NFATC3: variants seen among roughly 807,000 people sequenced by gnomAD.
The protein encoded by NFATC3 is nuclear factor of activated T-cells, cytoplasmic 3.
NFATC3 carries 46 observed loss-of-function variants against 98.6 expected under a neutral mutation model. The observed-to-expected ratio is 0.47, with a 90% CI of 0.37 to 0.60. NFATC3 has a LOEUF of 0.60. Among genes scored for constraint, NFATC3 ranks in the 20% least tolerant of loss-of-function variants. The pLI is 0.00. For missense variants in NFATC3, 1,256 were observed against 1,295.5 expected (o/e 0.97, Z 0.47); for synonymous variants, 512 against 472.2 (o/e 1.08, Z -1.09).
chr16:68,203,805 C>T (rs1360824405), intron 9 of NFATC3, among the ~76,000 whole-genome samples: 2 of 152,128 alleles, frequency 1.3e-5, no homozygotes, highest in African/African-American at 4.8e-5. Context: ...AATCCCAGCA[C>T]TTTGAAAGAC....
intron 3 of NFATC3, among the ~76,000 whole-genome samples, chr16:68,154,571 A>G (rs754914237): frequency 6.6e-6 from 1 of 152,174 alleles, no homozygotes; most frequent in African/African-American, 2.4e-5. Flanking sequence ...GTAGACAAGC[A>G]CAAGATAAGG....
chr16:68,150,250 G>A (rs979432702), intron 3 of NFATC3, among the ~76,000 whole-genome samples: 3 of 151,840 alleles, frequency 2.0e-5, no homozygotes, highest in Non-Finnish European at 4.4e-5. Context: ...ATTTTGTAAT[G>A]CTACTTTATT....
In NFATC3 at chr16:68,158,570, G is replaced by A. The variant is rs369550894; in HGVS notation, c.1601+502G>A. Among the ~76,000 whole-genome samples the A allele has an allele frequency of 2.2e-4, 33 of 152,120 alleles. No individual in the cohort carries two copies. The East Asian group carries it at 3.1e-3, about 14-fold the overall frequency. Reference sequence around the variant, plus strand: ...GATATGCAGTGGCTTGAACAGTTAGGGGTTTAGTGTTTTATCACATAAACG... The same window carrying A: ...GATATGCAGTGGCTTGAACAGTTAGAGGTTTAGTGTTTTATCACATAAACG... On this transcript the variant is annotated intron_variant, in intron 4 of 9. Transcript: ENST00000346183.
Position 68,085,767 on chromosome 16 carries a change from C to G in NFATC3, c.86C>G (p.Pro29Arg), listed in dbSNP as rs1012871036. ...GACGGGGCGCCGGCGCCGCCGCCCC[C>G]GGGCTCGCGGCCTGCAGGTGGGTGC... ...GEDGAPAPPP[P>R]GSRPADLEPD... The change falls in exon 1 of 10, where the codon CCG (proline) becomes CGG (arginine). Residue 29 changes from proline (P) to arginine (R), a missense_variant. Physicochemically the swap from Pro to Arg is moderately radical, Grantham distance 103. Transcript: ENST00000346183. 17 of 1,495,250 alleles carry G rather than the reference C, an allele frequency of 1.1e-5. No individual in the cohort carries two copies. Among genetic ancestry groups the G allele is most frequent in the Admixed American group, 6.9e-5 (3 of 43,222 alleles). 92.6% of individuals were successfully genotyped at this position (1,495,250 alleles called of 1,614,324 possible). A position where few individuals can be genotyped will look rare whatever the true frequency, so the allele number is the denominator to read the frequency against.
At chr16:68,192,334 G>C (rs12933243) in intron 9 of NFATC3, 1 of 126,662 alleles carries the variant, frequency 7.9e-6, no homozygotes, top group African/African-American at 3.0e-5. Flanking sequence ...TATATATATA[G>C]AGAGAGAGAG....
At chr16:68,104,653 GTTTTTT>G (rs778016298) in intron 1 of NFATC3, among the ~76,000 whole-genome samples, 2 of 126,696 alleles carry the variant, frequency 1.6e-5, no homozygotes, top group African/African-American at 6.3e-5. Context: ...TTCACAAATG[GTTTTTT>G]TTTTTTTTTT....
In NFATC3 at chr16:68,213,102, T is replaced by C. The variant is rs188711039; in HGVS notation, c.3107-13248T>C. On this transcript the variant is annotated intron_variant, in intron 9 of 9. Coordinates refer to ENST00000346183, the MANE Select transcript of NFATC3 (RefSeq NM_173165.3). ...GTGTGAGCCACCATGCCCGGCCTGT[T>C]TCTTTCTCTTCTTTAAAATACTAGT... 4.8e-3 allele frequency among the ~76,000 whole-genome samples: 728 copies of C among 150,692 alleles called. 8 individuals carry two copies. The highest frequency in any genetic ancestry group is 0.017 in the African/African-American group (689 of 41,178).
intron 3 of NFATC3, among the ~76,000 whole-genome samples, chr16:68,129,022 G>C (rs2036985761): frequency 6.6e-6 from 1 of 151,876 alleles, no homozygotes; most frequent in Non-Finnish European, 1.5e-5. Context: ...CTGGAGCCGG[G>C]AGTTTGAGGC....
chr16:68,155,214 G>A (rs2038542206), intron 3 of NFATC3, among the ~76,000 whole-genome samples: 1 of 152,200 alleles, frequency 6.6e-6, no homozygotes, highest in African/African-American at 2.4e-5. Flanking sequence ...AAACTCACCT[G>A]TAAGACTCCA....
At chr16:68,220,625 C>T (rs1030338922) in intron 9 of NFATC3, among the ~76,000 whole-genome samples, 10 of 148,576 alleles carry the variant, frequency 6.7e-5, no homozygotes, top group Non-Finnish European at 1.0e-4. Context: ...CAAATTGTCC[C>T]GGCCGGGCAG....
chr16:68,104,740 CTCCTGGGT>C (rs1248529104), intron 1 of NFATC3, among the ~76,000 whole-genome samples: 2 of 150,874 alleles, frequency 1.3e-5, no homozygotes, highest in African/African-American at 4.9e-5. Flanking sequence ...CAAGCTCCGC[CTCCTGGGT>C]TCATCACGCC....
chr16:68,115,700 C>T (rs922947333), intron 1 of NFATC3, among the ~76,000 whole-genome samples: 1 of 152,148 alleles, frequency 6.6e-6, no homozygotes, highest in African/African-American at 2.4e-5. Flanking sequence ...GCTGGAATTA[C>T]AGGCGTGAGC....
intron 1 of NFATC3, among the ~76,000 whole-genome samples, chr16:68,110,486 A>ATT (rs909170120): frequency 3.5e-5 from 5 of 144,514 alleles, no homozygotes; most frequent in East Asian, 4.1e-4. Flanking sequence ...TTTTTTTTGT[A>ATT]TTTTTTTTTA....
At chr16:68,097,295 G>C (rs754368644) in intron 1 of NFATC3, among the ~76,000 whole-genome samples, 1 of 152,312 alleles carries the variant, frequency 6.6e-6, no homozygotes, top group South Asian at 2.1e-4. Flanking sequence ...GCACAGTCTA[G>C]TAATTATTAA....
At chr16:68,138,621 C>T (rs1222792631) in intron 3 of NFATC3, 8 of 1,288,972 alleles carry the variant, frequency 6.2e-6, no homozygotes, top group South Asian at 6.2e-5. Flanking sequence ...CTACATTAAC[C>T]TGGAAATTAC....
chr16:68,186,276 C>T (rs886377949), intron 8 of NFATC3, among the ~76,000 whole-genome samples: 8 of 151,552 alleles, frequency 5.3e-5, no homozygotes, highest in African/African-American at 1.7e-4. Context: ...CTTGGCCAGG[C>T]GCTGTAGCTC....
intron 9 of NFATC3, among the ~76,000 whole-genome samples, chr16:68,210,299 AAAAAAAAAAAAG>A (rs1021328912): frequency 1.3e-4 from 11 of 81,956 alleles, no homozygotes; most frequent in African/African-American, 3.4e-4. Context: ...TTCCTTCTCA[AAAAAAAAAAAAG>A]AAAAAAAAAA....
intron 1 of NFATC3, among the ~76,000 whole-genome samples, chr16:68,098,476 A>G (rs1414532441): frequency 6.6e-6 from 1 of 151,440 alleles, no homozygotes; most frequent in Non-Finnish European, 1.5e-5. Context: ...TAATTTTTGT[A>G]TTTTTAGTAG....
rs1414617988 is a variant in NFATC3 at position 68,171,362 on chromosome 16, G to A, written c.1775-3012G>A. On this transcript the variant is annotated intron_variant, in intron 5 of 9. Transcript: ENST00000346183. ...TACCTGTAATCAGTGTTTGTTTTCC[G>A]GACCCTTCTCTATGTCCTATTTAGA... is the stretch of plus-strand genomic sequence containing the variant. Among the ~76,000 whole-genome samples, 8 of 152,116 alleles carry A rather than the reference G, an allele frequency of 5.3e-5. No individual in the cohort carries two copies. In the East Asian group the frequency reaches 1.5e-3, roughly 29 times the overall value.
Sources: allele counts gnomAD v4.1 joint callset (sites outside exome capture counted in the v4.1 genomes callset), GRCh38; gene constraint gnomAD v4.1.1; transcripts MANE v1.5; gene names NCBI Gene and HGNC (gene_info 2026-07-23, HGNC 2026-07-21).